Variants in EVC2 observed in about 807,000 individuals in gnomAD.
EVC2 encodes the protein EvC ciliary complex subunit 2, also known as limbin.
In EVC2, 148 loss-of-function variants were observed where a neutral mutation model predicts 149.3. The observed-to-expected ratio is 0.99, with a 90% CI of 0.87 to 1.14. EVC2 has a LOEUF of 1.14. EVC2 is among the 50% of genes most tolerant of loss of function. The pLI is 0.00. For synonymous variants in EVC2, 776 were observed against 649.9 expected (o/e 1.19, Z -2.95); for missense variants, 1,854 against 1,627.3 (o/e 1.14, Z -2.40).
chr4:5,574,989 C>G (rs149341601), intron 18 of EVC2, among the ~76,000 whole-genome samples: 1 of 152,144 alleles, frequency 6.6e-6, no homozygotes, highest in Non-Finnish European at 1.5e-5. Context: ...AAGGAGGCTC[C>G]TCGAAGTGAA....
At chr4:5,601,648 CA>C (rs1175692211) in intron 16 of EVC2, among the ~76,000 whole-genome samples, 1 of 152,064 alleles carries the variant, frequency 6.6e-6, no homozygotes, top group Non-Finnish European at 1.5e-5. Context: ...CTAGATTGGT[CA>C]AACTATCAGT....
At chr4:5,674,573 C>T (rs939679361) in intron 7 of EVC2, among the ~76,000 whole-genome samples, 14 of 152,132 alleles carry the variant, frequency 9.2e-5, no homozygotes, top group Non-Finnish European at 1.6e-4. Flanking sequence ...ACTAGCTGGC[C>T]AGGGGAGGGC....
chr4:5,673,708 A>G (rs1370496591), intron 7 of EVC2, among the ~76,000 whole-genome samples: 2 of 152,248 alleles, frequency 1.3e-5, no homozygotes, highest in Non-Finnish European at 1.5e-5. Context: ...CTGGATAAAC[A>G]GGCCTTTCAA....
At chr4:5,650,638 T>TATAGAGAGAGAG (rs1162935817) in intron 9 of EVC2, among the ~76,000 whole-genome samples, 38 of 45,094 alleles carry the variant, frequency 8.4e-4, no homozygotes, top group Non-Finnish European at 1.2e-3. Context: ...TATATATATA[T>TATAGAGAGAGAG]AGAGAGAGAG....
At chr4:5,544,366 T>A (rs897924960) in intron 21 of EVC2, among the ~76,000 whole-genome samples, 1 of 152,214 alleles carries the variant, frequency 6.6e-6, no homozygotes, top group Non-Finnish European at 1.5e-5. Flanking sequence ...CCCTCTGAGA[T>A]TCAAATTTAT....
At position 5,576,884 on chromosome 4, in the gene EVC2, G is replaced by C. The variant is rs949398791; in HGVS notation, c.3058-430C>G. Among the ~76,000 whole-genome samples the C allele has an allele frequency of 2.6e-5, 4 of 152,184 alleles. No homozygotes were observed. Among genetic ancestry groups the C allele is most frequent in the Non-Finnish European group, 4.4e-5 (3 of 68,040 alleles). On this transcript the variant is annotated intron_variant, in intron 17 of 21. Transcript: ENST00000344408. The surrounding 1 kb of genome is among the most constrained non-coding windows in gnomAD (Gnocchi z 4.5). ...CTGTCCTGTGCCTTTCTGCTACAGT[G>C]TGAGCTCTTTGAGGGCAGGGCTGTG...
In EVC2 at chr4:5,576,224, G is replaced by A. The variant is rs200378678; in HGVS notation, c.3272+16C>T. Reference sequence around the variant, plus strand: ...GGGGACTAATATCTTTGAGTGCTACGGGGCACACGGCATACCACTGCTGAT... The same window carrying A: ...GGGGACTAATATCTTTGAGTGCTACAGGGCACACGGCATACCACTGCTGAT... On this transcript the variant is annotated intron_variant, in intron 18 of 21. Coordinates refer to ENST00000344408, the MANE Select transcript of EVC2 (RefSeq NM_147127.5). The surrounding 1 kb of genome is among the most constrained non-coding windows in gnomAD (Gnocchi z 4.5). 53 of 1,613,982 alleles carry A rather than the reference G, an allele frequency of 3.3e-5. No homozygotes were observed. Among genetic ancestry groups the A allele is most frequent in the African/African-American group, 8.0e-5 (6 of 74,912 alleles).
chr4:5,611,210 C>T (rs777777543), intron 16 of EVC2, among the ~76,000 whole-genome samples: 8 of 152,166 alleles, frequency 5.3e-5, no homozygotes, highest in African/African-American at 1.9e-4. Context: ...CTGAGGCAGA[C>T]CAGGTCCCAT....
At position 5,556,746 on chromosome 4, in the gene EVC2, C is replaced by G. The variant is rs990468196; in HGVS notation, c.3419+8512G>C. ...ATTACCAATATCAGAAATGAAAGAG[C>G]AGTCTCACTACTGATCCCATGGACA... On this transcript the variant is annotated intron_variant and NMD_transcript_variant, in intron 21 of 22. Transcript: ENST00000475313. 4.6e-5 allele frequency among the ~76,000 whole-genome samples: 7 copies of G among 152,176 alleles called. No homozygotes were observed. In the East Asian group the frequency reaches 1.4e-3, roughly 29 times the overall value.
chr4:5,568,437 C>T lies in EVC2; in HGVS notation c.3557+7G>A. 6.5e-7 allele frequency: 1 copy of T among 1,548,488 alleles called. No individual in the cohort carries two copies. Among genetic ancestry groups the T allele is most frequent in the Non-Finnish European group, 8.7e-7 (1 of 1,153,686 alleles). On this transcript the variant is annotated splice_region_variant and intron_variant, in intron 20 of 21. Coordinates refer to ENST00000344408, the MANE Select transcript of EVC2 (RefSeq NM_147127.5). ...GCCCCGGGAGGCAGCCCCTCCACGGCACTCACCTCCGCCTGCCCACGTCGG... is the reference window on the plus strand; with the variant it reads ...GCCCCGGGAGGCAGCCCCTCCACGGTACTCACCTCCGCCTGCCCACGTCGG...
rs79082692 is a variant in EVC2, at chr4:5,690,597, C to T, written c.519+668G>A. Among the ~76,000 whole-genome samples the T allele has an allele frequency of 2.9e-3, 444 of 152,138 alleles. 9 individuals carry two copies. The East Asian group carries it at 0.048, about 16-fold the overall frequency. On this transcript the variant is annotated intron_variant, in intron 4 of 21. Transcript: ENST00000344408. ...CTGAGCCTGAGAAAAACCCTGGACC[C>T]AAAGGCTCCAGTGAGCTTCCCTGGT... is the stretch of plus-strand genomic sequence containing the variant.
chr4:5,594,361 C>A (rs1403837567), intron 16 of EVC2, among the ~76,000 whole-genome samples: 1 of 152,168 alleles, frequency 6.6e-6, no homozygotes, highest in African/African-American at 2.4e-5. Flanking sequence ...GCCGGGTACT[C>A]CTCTGAGACA....
intron 9 of EVC2, among the ~76,000 whole-genome samples, chr4:5,650,569 TAGTG>T (rs1718029840): frequency 7.0e-6 from 1 of 142,306 alleles, no homozygotes; most frequent in African/African-American, 2.6e-5. Flanking sequence ...GGATTAGCAA[TAGTG>T]CCTCTTACGA....
chr4:5,610,657 C>G (rs1250760794), intron 16 of EVC2, among the ~76,000 whole-genome samples: 6 of 152,162 alleles, frequency 3.9e-5, no homozygotes, highest in Non-Finnish European at 1.5e-5. Flanking sequence ...CAGCTCCCTT[C>G]ACCTCCCCAT....
chr4:5,594,452 C>A (rs1296778172), intron 16 of EVC2, among the ~76,000 whole-genome samples: 2 of 152,176 alleles, frequency 1.3e-5, no homozygotes, highest in African/African-American at 4.8e-5. Flanking sequence ...TGCTGGTACC[C>A]AGGTAAACAG....
chr4:5,575,490 G>A (rs904620607), intron 18 of EVC2, among the ~76,000 whole-genome samples: 4 of 152,206 alleles, frequency 2.6e-5, no homozygotes, highest in Admixed American at 6.5e-5. Flanking sequence ...TTACACAGAA[G>A]AGCGTGATAG....
In EVC2 at chr4:5,612,922, C is replaced by CAAAAA. The variant is rs34505528; in HGVS notation, c.2829+2495_2829+2499dup. Among the ~76,000 whole-genome samples, 4 of 26,800 alleles carry CAAAAA rather than the reference C, an allele frequency of 1.5e-4. 1 individual carries two copies. Among genetic ancestry groups the CAAAAA allele is most frequent in the African/African-American group, 4.9e-4 (3 of 6,156 alleles). 17.6% of individuals were successfully genotyped at this position (26,800 alleles called of 152,430 possible). On this transcript the variant is annotated intron_variant, in intron 16 of 21. Coordinates refer to ENST00000344408, the MANE Select transcript of EVC2 (RefSeq NM_147127.5). ...GGGTGACAGAGCGAGACTCTGTCTC[C>CAAAAA]AAAAAAAAAAAAAAAAAAAAAAAAA...
intron 21 of EVC2, among the ~76,000 whole-genome samples, chr4:5,549,177 G>A (rs1317252221): frequency 1.3e-5 from 2 of 152,106 alleles, no homozygotes; most frequent in Non-Finnish European, 2.9e-5. Context: ...AAGATATATT[G>A]TTATAATGTC....
intron 5 of EVC2, among the ~76,000 whole-genome samples, chr4:5,687,376 C>A (rs570965259): frequency 2.7e-4 from 41 of 152,342 alleles, no homozygotes; most frequent in Non-Finnish European, 5.3e-4. Context: ...CCCTTACCCT[C>A]ACAGCGCCTT....
Sources: gnomAD v4.1 joint callset for allele counts (sites outside exome capture counted in the v4.1 genomes callset) on GRCh38, gnomAD v4.1.1 for gene constraint, Gnocchi (gnomAD v3.1) non-coding constraint, MANE v1.5 for transcripts, NCBI Gene and HGNC (gene_info 2026-07-23, HGNC 2026-07-21) for gene names.